ATP9B: variants seen among roughly 807,000 people sequenced by gnomAD.
ATP9B encodes ATPase phospholipid transporting 9B, also known as probable phospholipid-transporting ATPase IIB.
A neutral mutation model predicts 146.1 loss-of-function variants in ATP9B; 110 were observed. That is an observed-to-expected ratio of 0.75 (90% CI 0.65 to 0.88). ATP9B has a LOEUF of 0.88. Ranked by LOEUF, ATP9B falls within the 40% of genes least tolerant of loss-of-function variation. The pLI is 0.00. For missense variants in ATP9B, 1,499 were observed against 1,496.4 expected (o/e 1.00, Z -0.03); for synonymous variants, 604 against 569.7 (o/e 1.06, Z -0.86).
chr18:79,165,908 C>T (rs1008150241), intron 7 of ATP9B, among the ~76,000 whole-genome samples: 9 of 152,190 alleles, frequency 5.9e-5, no homozygotes, highest in Non-Finnish European at 1.2e-4. Flanking sequence ...TACCTGGGCT[C>T]CTGAGCATTG....
At chr18:79,362,079 T>C (rs1373440956) in intron 26 of ATP9B, 2 of 152,190 alleles carry the variant, frequency 1.3e-5, no homozygotes, top group Non-Finnish European at 2.9e-5. Context: ...GAGTCACATA[T>C]CTCAGGTCAC....
intron 8 of ATP9B, among the ~76,000 whole-genome samples, chr18:79,182,347 T>A (rs973871239): frequency 1.3e-5 from 2 of 152,246 alleles, no homozygotes; most frequent in African/African-American, 4.8e-5. Context: ...TCACTTTCAG[T>A]AACACTCAGG....
intron 13 of ATP9B, among the ~76,000 whole-genome samples, chr18:79,283,125 T>G (rs1277709605): frequency 6.6e-6 from 1 of 152,254 alleles, no homozygotes; most frequent in Non-Finnish European, 1.5e-5. Context: ...TTGTATTCCA[T>G]ATTTTAGTCA....
intron 4 of ATP9B, among the ~76,000 whole-genome samples, chr18:79,113,616 T>G (rs1209889775): frequency 6.6e-6 from 1 of 152,222 alleles, no homozygotes; most frequent in Admixed American, 6.5e-5. Context: ...TTGGTCATTC[T>G]GCACCTGTGT....
At chr18:79,191,422 C>T (rs1445589707) in intron 8 of ATP9B, among the ~76,000 whole-genome samples, 2 of 152,032 alleles carry the variant, frequency 1.3e-5, no homozygotes, top group African/African-American at 2.4e-5. Context: ...TTTTTTCATC[C>T]TCTCTCTGTC....
chr18:79,324,870 G>A (rs979493149), intron 15 of ATP9B, among the ~76,000 whole-genome samples: 6 of 152,206 alleles, frequency 3.9e-5, no homozygotes, highest in African/African-American at 1.4e-4. Flanking sequence ...AATGAAATTT[G>A]TATTTCTAGA....
At chr18:79,226,370 T>C (rs2095734232) in intron 11 of ATP9B, among the ~76,000 whole-genome samples, 1 of 152,232 alleles carries the variant, frequency 6.6e-6, no homozygotes, top group African/African-American at 2.4e-5. Flanking sequence ...TTGTCAGCCA[T>C]CTGTGGCCAC....
intron 5 of ATP9B, 77 bp downstream of exon 5, chr18:79,126,452 G>T: frequency 3.1e-6 from 3 of 982,462 alleles, no homozygotes; most frequent in South Asian, 1.7e-5. Flanking sequence ...ACAAATGTAT[G>T]AAAACATTTT....
chr18:79,152,813 C>T (rs1421921760), intron 6 of ATP9B, among the ~76,000 whole-genome samples: 1 of 152,176 alleles, frequency 6.6e-6, no homozygotes, highest in African/African-American at 2.4e-5. Context: ...ATTATTTCCT[C>T]ACTGATTGGC....
At chr18:79,096,254 C>T (rs941496164) in intron 1 of ATP9B, among the ~76,000 whole-genome samples, 4 of 152,112 alleles carry the variant, frequency 2.6e-5, no homozygotes, top group Non-Finnish European at 5.9e-5. Context: ...GCTCACAGCA[C>T]GGTTAACAGA....
chr18:79,164,201 A>C (rs1450078800), intron 7 of ATP9B, among the ~76,000 whole-genome samples: 1 of 152,206 alleles, frequency 6.6e-6, no homozygotes, highest in Non-Finnish European at 1.5e-5. Flanking sequence ...TTGAGGTTAC[A>C]GACGTGAGTC....
chr18:79,129,832 C>T (rs2094348219), intron 5 of ATP9B, among the ~76,000 whole-genome samples: 1 of 151,996 alleles, frequency 6.6e-6, no homozygotes, highest in Non-Finnish European at 1.5e-5. Flanking sequence ...CAACCTCCGT[C>T]CCCCGGCTTC....
intron 10 of ATP9B, among the ~76,000 whole-genome samples, chr18:79,212,004 T>A (rs2095588454): frequency 6.6e-6 from 1 of 152,238 alleles, no homozygotes; most frequent in African/African-American, 2.4e-5. Flanking sequence ...AATGAGTTTA[T>A]CATACTTTGT....
chr18:79,176,224 C>T (rs536652518), intron 7 of ATP9B, among the ~76,000 whole-genome samples: 1 of 152,152 alleles, frequency 6.6e-6, no homozygotes, highest in Non-Finnish European at 1.5e-5. Flanking sequence ...TGTGCTTTTG[C>T]TATTCCATCA....
At chr18:79,070,975 G>C (rs1352718889) in intron 1 of ATP9B, among the ~76,000 whole-genome samples, 4 of 149,326 alleles carry the variant, frequency 2.7e-5, no homozygotes. Flanking sequence ...GATAATTACT[G>C]ATATGTTAGA....
At chr18:79,114,326 CAG>C (rs2094026169) in intron 4 of ATP9B, among the ~76,000 whole-genome samples, 1 of 152,170 alleles carries the variant, frequency 6.6e-6, no homozygotes, top group Non-Finnish European at 1.5e-5. Flanking sequence ...GTAGGAAACA[CAG>C]AGAGTGAAAG....
At chr18:79,346,565 C>T (rs959557879) in intron 23 of ATP9B, among the ~76,000 whole-genome samples, 7 of 113,216 alleles carry the variant, frequency 6.2e-5, no homozygotes, top group African/African-American at 1.0e-4. Context: ...GGTCAGCGCA[C>T]GTCAGCACGT....
chr18:79,315,438 T>G (rs747276414), intron 15 of ATP9B, among the ~76,000 whole-genome samples: 1 of 152,234 alleles, frequency 6.6e-6, no homozygotes, highest in Non-Finnish European at 1.5e-5. Flanking sequence ...TCAAATTGCA[T>G]CTTATGTTAA....
At chr18:79,120,989 T>C (rs2094178290) in intron 4 of ATP9B, among the ~76,000 whole-genome samples, 1 of 152,202 alleles carries the variant, frequency 6.6e-6, no homozygotes, top group Non-Finnish European at 1.5e-5. Flanking sequence ...TTGTTAGTGA[T>C]CTGTGTGGCC....
Sources: allele counts gnomAD v4.1 joint callset (sites outside exome capture counted in the v4.1 genomes callset), GRCh38; gene constraint gnomAD v4.1.1; transcripts MANE v1.5; gene names NCBI Gene and HGNC (gene_info 2026-07-23, HGNC 2026-07-21).